PEX5: variants seen among roughly 807,000 people sequenced by gnomAD.
The protein encoded by PEX5 is PTS1 receptor.
A neutral mutation model predicts 82.9 loss-of-function variants in PEX5; 52 were observed. The ratio of observed to expected loss-of-function variants is 0.63; its 90% CI spans 0.50 to 0.79. The LOEUF (loss-of-function observed/expected upper bound fraction) is 0.79. PEX5 is among the 30% of genes least tolerant of loss of function. The probability of loss-of-function intolerance (pLI) is 0.00; values close to 1 mark genes in which losing one functional copy is unlikely to be tolerated. For synonymous variants in PEX5, 300 were observed against 318.8 expected (o/e 0.94, Z 0.63); for missense variants, 719 against 815.2 (o/e 0.88, Z 1.44).
At chr12:7,206,380 C>T (rs1288402954) in intron 10 of PEX5, among the ~76,000 whole-genome samples, 1 of 152,266 alleles carries the variant, frequency 6.6e-6, no homozygotes, top group Non-Finnish European at 1.5e-5. Context: ...TGCTTTCGCA[C>T]TACAACAGTA....
At position 7,191,215 on chromosome 12, in the gene PEX5, C is replaced by T. The variant is rs1941040644; in HGVS notation, c.184-11C>T. ...GCCTATGGGTTCATTTCATCATTTC[C>T]CTTCTGGCAGTTGGTGGCTGAATTC... On this transcript the variant is annotated splice_polypyrimidine_tract_variant and intron_variant, in intron 3 of 15. Coordinates refer to ENST00000675855, the MANE Select transcript of PEX5 (RefSeq NM_001351132.2). 1 of 1,614,208 alleles carries T rather than the reference C, an allele frequency of 6.2e-7. No homozygotes were observed. The highest frequency in any genetic ancestry group is 8.5e-7 in the Non-Finnish European group (1 of 1,180,020).
intron 4 of PEX5, 69 bp downstream of exon 4, chr12:7,191,427 T>C (rs753866323): frequency 4.4e-6 from 7 of 1,608,396 alleles, no homozygotes; most frequent in Non-Finnish European, 6.0e-6. Flanking sequence ...GGGGGTTCCA[T>C]TGGATGCTGC....
chr12:7,195,189 A>T (rs982753391), intron 5 of PEX5, among the ~76,000 whole-genome samples: 1 of 152,168 alleles, frequency 6.6e-6, no homozygotes, highest in Non-Finnish European at 1.5e-5. Context: ...ATGTGCCTAG[A>T]AGGAATGAGT....
At chr12:7,197,985 G>A (rs774130550) in intron 5 of PEX5, among the ~76,000 whole-genome samples, 1 of 133,704 alleles carries the variant, frequency 7.5e-6, no homozygotes, top group South Asian at 2.7e-4. Flanking sequence ...AAAGAACACC[G>A]TAGGCTTGTG....
In PEX5 at chr12:7,208,921, G is replaced by A. The variant is rs1489475857; in HGVS notation, c.1395-84G>A. On this transcript the variant is annotated intron_variant, in intron 13 of 15. Coordinates refer to ENST00000675855, the MANE Select transcript of PEX5 (RefSeq NM_001351132.2). ...TAGATTGATGAATGTTGGGGATATG[G>A]TTGATCAATGAAGAAATTAATTTGG... The A allele has an allele frequency of 3.3e-6, 4 of 1,228,314 alleles. No individual in the cohort carries two copies. In the East Asian group the frequency reaches 7.0e-5, roughly 21 times the overall value. The allele number at this position is 1,228,314 out of a possible 1,614,324, so 76.1% of individuals were successfully genotyped here.
In PEX5 at chr12:7,216,965, C is replaced by T. The variant is rs112045442; in HGVS notation, c.*20-1437C>T. Among the ~76,000 whole-genome samples, 92 of 152,042 alleles carry T rather than the reference C, an allele frequency of 6.1e-4. 1 individual carries two copies. The highest frequency in any genetic ancestry group is 1.2e-3 in the African/African-American group (49 of 41,396). ...ATTACTTTATTCACACTAATTCATA[C>T]GTGTTTATTTTTTTTCTTCACATCA... On this transcript the variant is annotated intron_variant, in intron 17 of 17. Coordinates refer to the PEX5 transcript ENST00000455147.
intron 5 of PEX5, among the ~76,000 whole-genome samples, chr12:7,194,500 T>G (rs886822694): frequency 6.6e-6 from 1 of 152,196 alleles, no homozygotes; most frequent in African/African-American, 2.4e-5. Context: ...TTTTTGCAAT[T>G]TTATTAAATG....
At chr12:7,216,996 G>C (rs1473301457) in intron 17 of PEX5, among the ~76,000 whole-genome samples, 2 of 152,028 alleles carry the variant, frequency 1.3e-5, no homozygotes, top group African/African-American at 2.4e-5. Flanking sequence ...CATCAATGTA[G>C]TAGTTACTTT....
intron 5 of PEX5, among the ~76,000 whole-genome samples, chr12:7,197,393 T>TACATGTCATATACAATGTA: frequency 1.7e-5 from 1 of 58,870 alleles, no homozygotes; most frequent in Non-Finnish European, 3.2e-5. Flanking sequence ...ATGTAATAAT[T>TACATGTCATATACAATGTA]ATATATATGT....
Position 7,190,399 on chromosome 12 carries a change from G to A in PEX5, c.22G>A (p.Glu8Lys), listed in dbSNP as rs1940794264. ...CACCATGGCAATGCGGGAGCTGGTG[G>A]AGGCCGAATGCGGGGGTGCCAACCC... Reference protein sequence around the residue: MAMRELVEAECGGANPLM... With the variant: MAMRELVKAECGGANPLM... Residue 8 changes from glutamate to lysine, a missense_variant, in exon 2 of 16, where the codon GAG becomes AAG. Physicochemically the swap from Glu to Lys is moderately conservative, Grantham distance 56. Transcript: ENST00000675855. 1 of 1,614,238 alleles carries A rather than the reference G, an allele frequency of 6.2e-7. No homozygotes were observed. Among genetic ancestry groups the A allele is most frequent in the Non-Finnish European group, 8.5e-7 (1 of 1,180,044 alleles).
chr12:7,214,878 A>G (rs992382877), downstream of PEX5, among the ~76,000 whole-genome samples: 3 of 151,740 alleles, frequency 2.0e-5, no homozygotes, highest in African/African-American at 7.3e-5. Context: ...TGATATCAGT[A>G]TTATATTAGT....
Position 7,210,355 on chromosome 12 carries a change from C to T in PEX5, c.*132C>T, listed in dbSNP as rs753013794. ...AGCGGTACGGCCTTTCAGGAGCTGCCTCAACGTAGGGGTGGGTAGTCTGTG... is the reference window on the plus strand; with the variant it reads ...AGCGGTACGGCCTTTCAGGAGCTGCTTCAACGTAGGGGTGGGTAGTCTGTG... On this transcript the variant is annotated 3_prime_UTR_variant, in exon 16 of 16. Coordinates refer to ENST00000675855, the MANE Select transcript of PEX5 (RefSeq NM_001351132.2). The T allele has an allele frequency of 1.0e-5, 8 of 800,034 alleles. No homozygotes were observed. The highest frequency in any genetic ancestry group is 2.6e-5 in the East Asian group (1 of 39,020). 49.6% of individuals were successfully genotyped at this position (800,034 alleles called of 1,614,324 possible). A position where few individuals can be genotyped will look rare whatever the true frequency, so the allele number is the denominator to read the frequency against.
intron 5 of PEX5, among the ~76,000 whole-genome samples, chr12:7,194,710 G>A (rs1440655675): frequency 6.6e-6 from 1 of 152,280 alleles, no homozygotes; most frequent in African/African-American, 2.4e-5. Flanking sequence ...AGACAGCTTC[G>A]GTTGACATGG....
intron 5 of PEX5, among the ~76,000 whole-genome samples, chr12:7,197,635 C>G (rs1444743288): frequency 1.3e-5 from 2 of 151,240 alleles, no homozygotes; most frequent in East Asian, 3.9e-4. Context: ...CACATTTTGA[C>G]ATTTCATGCT....
chr12:7,209,942 TCTCC>T, intron 15 of PEX5, 76 bp from the exon 16 acceptor site: 1 of 1,594,746 alleles, frequency 6.3e-7, no homozygotes, highest in Non-Finnish European at 8.6e-7. Context: ...GCCCTAGCTT[TCTCC>T]CTCCCACTGC....
intron 11 of PEX5, 37 bp from the exon 12 acceptor site, chr12:7,207,973 G>T: frequency 6.3e-7 from 1 of 1,576,148 alleles, no homozygotes; most frequent in South Asian, 1.1e-5. Context: ...ATGGAGAGGT[G>T]AATATGGGGT....
At chr12:7,214,784 A>G (rs1018828178), downstream of PEX5, among the ~76,000 whole-genome samples, 2 of 152,154 alleles carry the variant, frequency 1.3e-5, no homozygotes, top group African/African-American at 4.8e-5. Context: ...ATGTTTTTAC[A>G]TTAAAAACAT....
In PEX5 at chr12:7,203,224, C is replaced by A. The variant is rs765406842; in HGVS notation, c.847-208C>A. 7.1e-3 allele frequency among the ~76,000 whole-genome samples: 1,019 copies of A among 143,936 alleles called. 265 individuals carry two copies. Among genetic ancestry groups the A allele is most frequent in the East Asian group, 0.014 (69 of 5,032 alleles). 94.4% of individuals were successfully genotyped at this position (143,936 alleles called of 152,430 possible). On this transcript the variant is annotated intron_variant, in intron 9 of 15. Transcript: ENST00000675855. ...CACTGCACTGCACTGCACTGCACTA[C>A]ATTACATTTCTGGCCATCACCCCAG...
intron 12 of PEX5, 56 bp downstream of exon 12, chr12:7,208,136 T>C (rs1448977261): frequency 7.7e-7 from 1 of 1,306,582 alleles, no homozygotes; most frequent in African/African-American, 1.4e-5. Context: ...ATATAACCTT[T>C]TGAATGACAG....
Sources: gnomAD v4.1 joint callset for allele counts (sites outside exome capture counted in the v4.1 genomes callset) on GRCh38, gnomAD v4.1.1 for gene constraint, MANE v1.5 for transcripts, NCBI Gene and HGNC (gene_info 2026-07-23, HGNC 2026-07-21) for gene names.